MOB4: variants seen among roughly 807,000 people sequenced by gnomAD.
The protein encoded by MOB4 is MOB family member 4, phocein, also known as MOB-like protein phocein.
Under a neutral mutation model 32.2 loss-of-function variants are expected in MOB4, and 4 were observed. The ratio of observed to expected loss-of-function variants is 0.12; its 90% CI spans 0.06 to 0.28. The LOEUF (loss-of-function observed/expected upper bound fraction) is 0.28, where lower values mean the gene tolerates loss of function less well. Among genes scored for constraint, MOB4 ranks in the 10% least tolerant of loss-of-function variants. MOB4 has a pLI of 1.00. For missense variants in MOB4, 158 were observed against 271.2 expected, an observed-to-expected ratio of 0.58 and a Z score of 2.93; for synonymous variants, 88 against 88.1, an observed-to-expected ratio of 1.00 and a Z score of 0.01.
At chr2:197,519,089 T>C (rs2086469024) in intron 1 of MOB4, among the ~76,000 whole-genome samples, 1 of 151,792 alleles carries the variant, frequency 6.6e-6, no homozygotes, top group Non-Finnish European at 1.5e-5. Flanking sequence ...AGAGATGGGG[T>C]TTCAGCGTGT....
chr2:197,532,639 T>C (rs1057123225), intron 2 of MOB4, among the ~76,000 whole-genome samples: 4 of 151,978 alleles, frequency 2.6e-5, no homozygotes, highest in African/African-American at 9.7e-5. Context: ...TGAGCCGAGA[T>C]AGCGCCACTG....
intron 5 of MOB4, among the ~76,000 whole-genome samples, chr2:197,544,483 G>T (rs1417153526): frequency 1.3e-5 from 2 of 152,306 alleles, no homozygotes; most frequent in East Asian, 3.9e-4. Context: ...TCTGGGCGCG[G>T]TGGCTCACGC....
chr2:197,532,472 A>C (rs571400998), intron 2 of MOB4, among the ~76,000 whole-genome samples: 29 of 152,156 alleles, frequency 1.9e-4, no homozygotes, highest in Admixed American at 1.5e-3. Flanking sequence ...CCAGGAGTTC[A>C]AAACTAGCTT....
Position 197,550,779 on chromosome 2 carries a change from C to G in MOB4, c.*133C>G, listed in dbSNP as rs908793023. ...ATAGGTTTTTGTATGCTGGGTTTGCCTTTTAAAATGGGAAATACTTTTTAA... is the reference window on the plus strand; with the variant it reads ...ATAGGTTTTTGTATGCTGGGTTTGCGTTTTAAAATGGGAAATACTTTTTAA... On this transcript the variant is annotated 3_prime_UTR_variant, in exon 8 of 8. Coordinates refer to ENST00000323303, the MANE Select transcript of MOB4 (RefSeq NM_015387.5). 1.2e-5 allele frequency: 14 copies of G among 1,164,216 alleles called. No homozygotes were observed. The highest frequency in any genetic ancestry group is 6.3e-4 in the Middle Eastern group (2 of 3,162). 72.1% of individuals were successfully genotyped at this position (1,164,216 alleles called of 1,614,324 possible).
At chr2:197,529,180 G>A (rs975705014) in intron 2 of MOB4, among the ~76,000 whole-genome samples, 1 of 151,952 alleles carries the variant, frequency 6.6e-6, no homozygotes, top group Admixed American at 6.6e-5. Context: ...GTTTCACCAT[G>A]TTGGTCAAGC....
intron 2 of MOB4, among the ~76,000 whole-genome samples, 157 bp downstream of exon 2, chr2:197,523,843 C>G (rs1261253629): frequency 6.6e-6 from 1 of 152,332 alleles, no homozygotes; most frequent in Non-Finnish European, 1.5e-5. Context: ...TTTTACAACT[C>G]CAATAACCTA....
At chr2:197,527,272 C>CA (rs1330828678) in intron 2 of MOB4, among the ~76,000 whole-genome samples, 1 of 152,068 alleles carries the variant, frequency 6.6e-6, no homozygotes, top group African/African-American at 2.4e-5. Context: ...CCTTCTTACT[C>CA]ATGCACACGA....
In MOB4 at chr2:197,538,517, C is replaced by G. The variant is rs553654288; in HGVS notation, c.225-1594C>G. On this transcript the variant is annotated intron_variant, in intron 3 of 7. Transcript: ENST00000323303. ...GTCATGACTTCAGTCATATCTCCCA[C>G]TAGCTCATATTGAGTCTTAATGATT... is the stretch of plus-strand genomic sequence containing the variant. Among the ~76,000 whole-genome samples, 5 of 152,080 alleles carry G rather than the reference C, an allele frequency of 3.3e-5. No homozygotes were observed. In the East Asian group the frequency reaches 7.7e-4, roughly 24 times the overall value.
intron 2 of MOB4, among the ~76,000 whole-genome samples, chr2:197,528,306 ATATT>A (rs1214663384): frequency 6.6e-6 from 1 of 152,110 alleles, no homozygotes; most frequent in African/African-American, 2.4e-5. Flanking sequence ...TAATTTTGAC[ATATT>A]TATATACTTG....
intron 2 of MOB4, among the ~76,000 whole-genome samples, chr2:197,528,041 C>T (rs2086638047): frequency 1.3e-5 from 2 of 151,832 alleles, no homozygotes; most frequent in South Asian, 2.1e-4. Context: ...TATATAATTA[C>T]GTTTGAAATA....
intron 1 of MOB4, chr2:197,516,570 A>G (rs1452700903): frequency 2.0e-6 from 1 of 489,460 alleles, no homozygotes; most frequent in Non-Finnish European, 4.1e-6. Context: ...GCCTACCTCG[A>G]CCCGGCGTCC....
chr2:197,544,050 CT>C (rs559647857), intron 5 of MOB4, among the ~76,000 whole-genome samples: 269 of 144,090 alleles, frequency 1.9e-3, no homozygotes, highest in Admixed American at 2.2e-3. Context: ...GAGTTTCTTT[CT>C]TTTTTTTTTT....
intron 2 of MOB4, among the ~76,000 whole-genome samples, chr2:197,530,195 C>A (rs2086675976): frequency 6.6e-6 from 1 of 152,072 alleles, no homozygotes. Context: ...GTCTTGAACT[C>A]CTGACCTTGT....
At chr2:197,540,230 T>C (rs905369666) in intron 4 of MOB4, 77 bp downstream of exon 4, 3 of 1,533,872 alleles carry the variant, frequency 2.0e-6, no homozygotes, top group Non-Finnish European at 8.8e-7. Flanking sequence ...TTAATGTGCT[T>C]ACAAAAACGT....
intron 1 of MOB4, chr2:197,516,408 C>T: frequency 2.9e-6 from 4 of 1,386,980 alleles, no homozygotes; most frequent in Admixed American, 3.0e-5. Context: ...TGCCGAAGCC[C>T]TGGGCTGCGA....
At chr2:197,519,631 A>G (rs1308302075) in intron 1 of MOB4, among the ~76,000 whole-genome samples, 5 of 152,250 alleles carry the variant, frequency 3.3e-5, no homozygotes, top group African/African-American at 7.2e-5. Flanking sequence ...AACTAGGTAC[A>G]TAGTACATGT....
In MOB4 at chr2:197,540,330, AAATAT is replaced by A. The variant is rs1347762367; in HGVS notation, c.268-17_268-13del. ...TTTCATTATTATTTTACATATTAAG[AAATAT>A]AATTATTTTTAACAGAGTGAATGCC... On this transcript the variant is annotated splice_polypyrimidine_tract_variant and intron_variant, in intron 4 of 7. Coordinates refer to ENST00000323303, the MANE Select transcript of MOB4 (RefSeq NM_015387.5). The A allele has an allele frequency of 1.3e-6, 2 of 1,520,710 alleles. No homozygotes were observed. The highest frequency in any genetic ancestry group is 1.8e-6 in the Non-Finnish European group (2 of 1,141,082). The allele number at this position is 1,520,710 out of a possible 1,614,324, so 94.2% of individuals were successfully genotyped here.
rs550317893 is a variant in MOB4 at position 197,549,529 on chromosome 2, T to A, written c.435-746T>A. On this transcript the variant is annotated intron_variant, in intron 6 of 7. Coordinates refer to ENST00000323303, the MANE Select transcript of MOB4 (RefSeq NM_015387.5). ...AGAAATATGCAGAAAATTTCAATTT[T>A]AAAAAAACAATTTTAATTTCTCTCT... Among the ~76,000 whole-genome samples, 15 of 152,250 alleles carry A rather than the reference T, an allele frequency of 9.9e-5. No homozygotes were observed. The South Asian group carries it at 1.0e-3, about 11-fold the overall frequency.
intron 1 of MOB4, chr2:197,516,348 AC>A: frequency 7.0e-7 from 1 of 1,422,290 alleles, no homozygotes; most frequent in African/African-American, 1.5e-5. Flanking sequence ...CGGAGCTCCG[AC>A]CCAGGGGTAG....
Sources: gnomAD v4.1 joint callset for allele counts (sites outside exome capture counted in the v4.1 genomes callset) on GRCh38, gnomAD v4.1.1 for gene constraint, MANE v1.5 for transcripts, NCBI Gene and HGNC (gene_info 2026-07-23, HGNC 2026-07-21) for gene names.